The following BSND variants were observed in gnomAD, a reference collection of about 807,000 sequenced individuals.
BSND encodes barttin CLCNK type accessory subunit beta.
Under a neutral mutation model 18.8 loss-of-function variants are expected in BSND, and 13 were observed. The observed-to-expected ratio is 0.69, with a 90% CI of 0.45 to 1.10. BSND has a LOEUF of 1.10. BSND is among the 50% of genes least tolerant of loss of function. BSND has a pLI of 0.00. For synonymous variants in BSND, 170 were observed against 161.8 expected (o/e 1.05, Z -0.39); for missense variants, 379 against 416.7 (o/e 0.91, Z 0.79).
chr1:55,007,053 G>A lies in BSND; in HGVS notation c.329G>A (p.Ser110Asn), dbSNP rs1644394826. Residue 110 changes from serine (S) to asparagine (N), a missense_variant, in exon 3 of 4, where the codon AGC (serine) becomes AAC (asparagine). Ser to Asn is a conservative substitution (Grantham distance 46). Coordinates refer to ENST00000651561, the MANE Select transcript of BSND (RefSeq NM_057176.3). The stretch of plus-strand genomic sequence containing the variant: ...TGGGAGGAAGCCGCCTATGACCAGA[G>A]CCTGCCTGACTTCAGCCACATCCAG... ...RLWEEAAYDQ[S>N]LPDFSHIQMK... 1 of 1,614,182 alleles carries A rather than the reference G, an allele frequency of 6.2e-7. No homozygotes were observed. The highest frequency in any genetic ancestry group is 8.5e-7 in the Non-Finnish European group (1 of 1,180,046).
At chr1:55,005,659 T>G (rs1361463546) in intron 2 of BSND, among the ~76,000 whole-genome samples, 2 of 152,254 alleles carry the variant, frequency 1.3e-5, no homozygotes, top group Non-Finnish European at 2.9e-5. Flanking sequence ...TGACACACAG[T>G]AGGTCTTCTA....
At position 54,999,303 on chromosome 1, in the gene BSND, C is replaced by T. The variant is rs746008407; in HGVS notation, c.117C>T (p.Ala39=). The change falls in exon 1 of 4, where the codon GCC becomes GCT. Residue 39 remains alanine, a synonymous_variant. Transcript: ENST00000651561. ...DRPQVYGTFY[A]MGSVMVIGGI... The stretch of plus-strand genomic sequence containing the variant: ...CCCAGGTCTACGGCACCTTCTATGC[C>T]ATGGGCAGCGTCATGGTGATCGGGG... 1 of 1,614,074 alleles carries T rather than the reference C, an allele frequency of 6.2e-7. No individual in the cohort carries two copies. The highest frequency in any genetic ancestry group is 1.7e-5 in the Admixed American group (1 of 60,024).
chr1:55,000,309 C>A (rs939310892), intron 1 of BSND, among the ~76,000 whole-genome samples: 4 of 152,180 alleles, frequency 2.6e-5, no homozygotes, highest in African/African-American at 9.7e-5. Context: ...CAAGGTCACA[C>A]AGCTGGTCAG....
intron 1 of BSND, 47 bp from the exon 2 acceptor site, chr1:55,004,975 C>A (rs1463541617): frequency 6.4e-7 from 1 of 1,571,770 alleles, no homozygotes; most frequent in Non-Finnish European, 8.8e-7. Flanking sequence ...ACAGTAGCCC[C>A]CCTACCCTGG....
In BSND at chr1:55,014,201, T is replaced by C. The variant is rs1644437173; in HGVS notation, c.*5573T>C. Among the ~76,000 whole-genome samples, 1 of 152,156 alleles carries C rather than the reference T, an allele frequency of 6.6e-6. No homozygotes were observed. The highest frequency in any genetic ancestry group is 1.5e-5 in the Non-Finnish European group (1 of 68,016). On this transcript the variant is annotated 3_prime_UTR_variant, in exon 4 of 4. Transcript: ENST00000651561. ...AACAGTAGTGCTGGTGGAACAGAAT[T>C]GAACCGAACCGGGTGCCCACTCTGA...
In BSND at chr1:55,005,078, G is replaced by A; in HGVS notation, c.234G>A (p.Met78Ile). The change falls in exon 2 of 4, where the codon ATG becomes ATA. Residue 78 changes from methionine (M) to isoleucine (I), a missense_variant. Transcript: ENST00000651561. Reference protein sequence around the residue: ...DFQGILSPKAMGLLENGLAAE... With the variant: ...DFQGILSPKAIGLLENGLAAE... Reference sequence around the variant, plus strand: ...AAGGCATCCTCTCCCCAAAGGCCATGGGCCTGCTGGAGAATGGGCTTGCTG... The same window carrying A: ...AAGGCATCCTCTCCCCAAAGGCCATAGGCCTGCTGGAGAATGGGCTTGCTG... 1 of 1,614,200 alleles carries A rather than the reference G, an allele frequency of 6.2e-7. No homozygotes were observed. The highest frequency in any genetic ancestry group is 8.5e-7 in the Non-Finnish European group (1 of 1,180,036).
chr1:55,013,710 C>T lies in BSND; in HGVS notation c.*5082C>T, dbSNP rs1644434818. The stretch of plus-strand genomic sequence containing the variant: ...TAGTGTGGAGGGAGACACCCCCCTG[C>T]AACATCTTCCATGACTGCCTATTGC... On this transcript the variant is annotated 3_prime_UTR_variant, in exon 4 of 4. Coordinates refer to ENST00000651561, the MANE Select transcript of BSND (RefSeq NM_057176.3). Among the ~76,000 whole-genome samples, 2 of 152,172 alleles carry T rather than the reference C, an allele frequency of 1.3e-5. No homozygotes were observed. The highest frequency in any genetic ancestry group is 2.9e-5 in the Non-Finnish European group (2 of 68,036).
chr1:55,007,340 G>C, intron 3 of BSND, 68 bp downstream of exon 3: 2 of 505,086 alleles, frequency 4.0e-6, no homozygotes, highest in South Asian at 1.8e-5. Context: ...AGGAGTGGGG[G>C]ACCGCCGAGG....
chr1:55,016,388 A>G lies in BSND; in HGVS notation c.*7760A>G. On this transcript the variant is annotated 3_prime_UTR_variant, in exon 4 of 4. Transcript: ENST00000651561. ...TAAAACAAGAAGCTATGTTTCACCCATAACACTGGCATCATTTTGTAAAGA... is the reference window on the plus strand; with the variant it reads ...TAAAACAAGAAGCTATGTTTCACCCGTAACACTGGCATCATTTTGTAAAGA... Among the ~76,000 whole-genome samples the G allele has an allele frequency of 6.6e-6, 1 of 152,268 alleles. No homozygotes were observed. Among genetic ancestry groups the G allele is most frequent in the East Asian group, 1.9e-4 (1 of 5,202 alleles).
Position 55,015,423 on chromosome 1 carries a change from A to G in BSND, c.*6795A>G, listed in dbSNP as rs1644444857. 6.6e-6 allele frequency among the ~76,000 whole-genome samples: 1 copy of G among 152,184 alleles called. No individual in the cohort carries two copies. Among genetic ancestry groups the G allele is most frequent in the South Asian group, 2.1e-4 (1 of 4,828 alleles). On this transcript the variant is annotated 3_prime_UTR_variant, in exon 4 of 4. Transcript: ENST00000651561. ...GCAGTGCTCAGTTCACAGATGACCCAGGACAAGGGCAAATGAGGGCCCCAG... is the reference window on the plus strand; with the variant it reads ...GCAGTGCTCAGTTCACAGATGACCCGGGACAAGGGCAAATGAGGGCCCCAG...
At position 55,008,227 on chromosome 1, in the gene BSND, C is replaced by A; in HGVS notation, c.562C>A (p.Pro188Thr). The part of the protein sequence containing the change: ...TQSWPGPLAC[P>T]QGPAPLASFQ... ...TTGTCCCTGCAGCCCCCTGGCCTGT[C>A]CCCAGGGCCCTGCCCCCTTGGCTTC... Residue 188 changes from proline (P) to threonine (T), a missense_variant, in exon 4 of 4, where the codon CCC becomes ACC. Pro to Thr is a conservative substitution (Grantham distance 38). Coordinates refer to ENST00000651561, the MANE Select transcript of BSND (RefSeq NM_057176.3). The A allele has an allele frequency of 1.9e-6, 3 of 1,614,098 alleles. No individual in the cohort carries two copies. Among genetic ancestry groups the A allele is most frequent in the Non-Finnish European group, 2.5e-6 (3 of 1,179,980 alleles).
chr1:55,015,010 C>T lies in BSND; in HGVS notation c.*6382C>T, dbSNP rs1364485432. On this transcript the variant is annotated 3_prime_UTR_variant, in exon 4 of 4. Transcript: ENST00000651561. ...GGAGGACAGGGTCAGAGAGGGAGGC[C>T]GCAGCTTGGCCATGGGGCTTCTTGA... 7.2e-5 allele frequency among the ~76,000 whole-genome samples: 11 copies of T among 152,052 alleles called. No homozygotes were observed. The highest frequency in any genetic ancestry group is 6.2e-4 in the South Asian group (3 of 4,810).
intron 2 of BSND, among the ~76,000 whole-genome samples, chr1:55,006,691 C>G (rs1197535475): frequency 6.6e-6 from 1 of 152,174 alleles, no homozygotes; most frequent in Non-Finnish European, 1.5e-5. Context: ...ATCTGGGACC[C>G]GGCAAACTCA....
chr1:55,000,896 C>T (rs1381129261), intron 1 of BSND, among the ~76,000 whole-genome samples: 4 of 152,192 alleles, frequency 2.6e-5, no homozygotes, highest in African/African-American at 9.7e-5. Flanking sequence ...GAGCATCCTT[C>T]CTGCCCCCGC....
rs1180243489 is a variant in BSND at position 55,014,567 on chromosome 1, G to A, written c.*5939G>A. On this transcript the variant is annotated 3_prime_UTR_variant, in exon 4 of 4. Coordinates refer to ENST00000651561, the MANE Select transcript of BSND (RefSeq NM_057176.3). ...ACATCAGGTGCCCATGTGCACCTGG[G>A]TCGTTCAAGCCTACAAGCACTGTGT... 6.6e-6 allele frequency among the ~76,000 whole-genome samples: 1 copy of A among 152,160 alleles called. No homozygotes were observed. The highest frequency in any genetic ancestry group is 2.4e-5 in the African/African-American group (1 of 41,426).
In BSND at chr1:55,011,093, T is replaced by C. The variant is rs141968688; in HGVS notation, c.*2465T>C. The C allele has an allele frequency of 7.6e-3, 1,153 of 152,306 alleles. 11 individuals carry two copies. The highest frequency in any genetic ancestry group is 0.025 in the African/African-American group (1,048 of 41,558). 9.4% of individuals were successfully genotyped at this position (152,306 alleles called of 1,614,324 possible). A position where few individuals can be genotyped will look rare whatever the true frequency, so the allele number is the denominator to read the frequency against. ...CCCTGAACCACAACCGCAGTGGCTTTAGACTTAAACAAGAGCCTCTGGTTG... is the reference window on the plus strand; with the variant it reads ...CCCTGAACCACAACCGCAGTGGCTTCAGACTTAAACAAGAGCCTCTGGTTG... On this transcript the variant is annotated 3_prime_UTR_variant, in exon 4 of 4. Transcript: ENST00000651561.
At chr1:55,000,542 C>T (rs981384639) in intron 1 of BSND, among the ~76,000 whole-genome samples, 1 of 152,206 alleles carries the variant, frequency 6.6e-6, no homozygotes, top group Non-Finnish European at 1.5e-5. Context: ...CAGCAACCCC[C>T]ACACCTCCTC....
intron 2 of BSND, 58 bp from the exon 3 acceptor site, chr1:55,006,939 A>G: frequency 6.2e-7 from 1 of 1,611,356 alleles, no homozygotes; most frequent in African/African-American, 1.3e-5. Flanking sequence ...GGCCGGGGAG[A>G]ACACTGGTGT....
At chr1:55,003,017 G>A (rs866002502) in intron 1 of BSND, among the ~76,000 whole-genome samples, 26 of 143,606 alleles carry the variant, frequency 1.8e-4, no homozygotes, top group African/African-American at 7.1e-4. Context: ...TGGTGACAAT[G>A]GTGATGATGA....
Sources: allele counts gnomAD v4.1 joint callset (sites outside exome capture counted in the v4.1 genomes callset), GRCh38; gene constraint gnomAD v4.1.1; transcripts MANE v1.5; gene names NCBI Gene and HGNC (gene_info 2026-07-23, HGNC 2026-07-21).